Variants in RARB observed in about 807,000 individuals in gnomAD.
RARB encodes retinoic acid receptor beta.
RARB carries 17 observed loss-of-function variants against 51.9 expected under a neutral mutation model. The ratio of observed to expected loss-of-function variants is 0.33; its 90% CI spans 0.22 to 0.49. The LOEUF is 0.49. Among genes scored for constraint, RARB ranks in the 20% least tolerant of loss-of-function variants. The pLI, the probability that RARB is intolerant of heterozygous loss-of-function variation, is 0.99. For missense variants in RARB, 369 were observed against 550.8 expected, an observed-to-expected ratio of 0.67 and a Z score of 3.30; for synonymous variants, 215 against 195.4, an observed-to-expected ratio of 1.10 and a Z score of -0.84.
intron 5 of RARB, among the ~76,000 whole-genome samples, chr3:25,189,018 TCA>T (rs1701039632): frequency 6.6e-6 from 1 of 152,014 alleles, no homozygotes; most frequent in African/African-American, 2.4e-5. Context: ...AGAAGAGGAG[TCA>T]CAAAGTCATA....
chr3:25,316,561 C>G (rs1406136942), intron 5 of RARB, among the ~76,000 whole-genome samples: 1 of 152,074 alleles, frequency 6.6e-6, no homozygotes. Flanking sequence ...GATACCGATG[C>G]TGAAAGAGGA....
chr3:25,565,144 A>T (rs948158496), intron 3 of RARB, among the ~76,000 whole-genome samples: 2 of 152,218 alleles, frequency 1.3e-5, no homozygotes, highest in Admixed American at 1.3e-4. Flanking sequence ...GACTGTGTGT[A>T]CATGGGGTAG....
At chr3:25,149,778 C>T (rs1239972635) in intron 4 of RARB, among the ~76,000 whole-genome samples, 5 of 152,224 alleles carry the variant, frequency 3.3e-5, no homozygotes, top group African/African-American at 1.2e-4. Flanking sequence ...AGAAGGTCTC[C>T]ATTTGCATGT....
intron 5 of RARB, among the ~76,000 whole-genome samples, chr3:25,316,940 A>T (rs1194570138): frequency 6.6e-6 from 1 of 152,186 alleles, no homozygotes; most frequent in African/African-American, 2.4e-5. Flanking sequence ...TAGACAGAAT[A>T]AATTATTCAC....
chr3:25,295,732 A>G (rs894535718), intron 5 of RARB, among the ~76,000 whole-genome samples: 40 of 152,222 alleles, frequency 2.6e-4, no homozygotes, highest in African/African-American at 8.9e-4. Context: ...TATGTGGACA[A>G]GATGGGACTA....
At chr3:25,474,124 C>T (rs1695842007) in intron 2 of RARB, among the ~76,000 whole-genome samples, 1 of 152,040 alleles carries the variant, frequency 6.6e-6, no homozygotes, top group African/African-American at 2.4e-5. Flanking sequence ...TGTTAATTCT[C>T]CACTGGGCTT....
At chr3:25,029,145 T>C (rs1433674593) in intron 2 of RARB, among the ~76,000 whole-genome samples, 1 of 152,218 alleles carries the variant, frequency 6.6e-6, no homozygotes, top group African/African-American at 2.4e-5. Context: ...TCAGATGGCA[T>C]TGGTTTGGGT....
chr3:25,032,118 T>A (rs1697888414), intron 2 of RARB, among the ~76,000 whole-genome samples: 1 of 152,236 alleles, frequency 6.6e-6, no homozygotes, highest in Non-Finnish European at 1.5e-5. Context: ...AAACTATTAA[T>A]AGGTCCATAA....
At chr3:25,193,359 A>G (rs986709413) in intron 5 of RARB, among the ~76,000 whole-genome samples, 1 of 152,044 alleles carries the variant, frequency 6.6e-6, no homozygotes, top group African/African-American at 2.4e-5. Context: ...AGTCTGTTAA[A>G]AAAATTAAAA....
chr3:24,906,316 T>A (rs1456841934), intron 2 of RARB, among the ~76,000 whole-genome samples: 1 of 152,134 alleles, frequency 6.6e-6, no homozygotes, highest in African/African-American at 2.4e-5. Context: ...TGGATCTTAG[T>A]GTTTGGATTG....
intron 4 of RARB, among the ~76,000 whole-genome samples, chr3:25,151,770 G>A (rs1254023254): frequency 1.3e-5 from 2 of 152,282 alleles, no homozygotes; most frequent in Middle Eastern, 3.4e-3. Context: ...ACGTCTCAAA[G>A]GAATGTTTGT....
intron 2 of RARB, among the ~76,000 whole-genome samples, chr3:25,473,688 T>G (rs1447155332): frequency 6.6e-6 from 1 of 152,174 alleles, no homozygotes; most frequent in Non-Finnish European, 1.5e-5. Flanking sequence ...TGTCAAGATG[T>G]ATGAGAAGGC....
chr3:24,962,058 T>C (rs1039276480), intron 2 of RARB, among the ~76,000 whole-genome samples: 2 of 151,206 alleles, frequency 1.3e-5, no homozygotes, highest in Non-Finnish European at 2.9e-5. Flanking sequence ...GCCTCCCAAG[T>C]AGCTGGGACT....
At chr3:25,155,912 T>C (rs1048543527) in intron 4 of RARB, among the ~76,000 whole-genome samples, 1 of 152,234 alleles carries the variant, frequency 6.6e-6, no homozygotes, top group African/African-American at 2.4e-5. Context: ...TTGCCTGTTT[T>C]CCTTAACTTA....
At chr3:25,291,950 T>A (rs1703798187) in intron 5 of RARB, among the ~76,000 whole-genome samples, 1 of 152,128 alleles carries the variant, frequency 6.6e-6, no homozygotes, top group Non-Finnish European at 1.5e-5. Flanking sequence ...CCCTCTCTTA[T>A]GGGGATTGAC....
chr3:25,394,481 G>A (rs1707060895), intron 5 of RARB, among the ~76,000 whole-genome samples: 1 of 152,110 alleles, frequency 6.6e-6, no homozygotes, highest in South Asian at 2.1e-4. Context: ...GACCTATCTA[G>A]CACTGTGAGT....
At chr3:25,078,273 T>C (rs1184087338) in intron 3 of RARB, among the ~76,000 whole-genome samples, 2 of 152,166 alleles carry the variant, frequency 1.3e-5, no homozygotes, top group Non-Finnish European at 2.9e-5. Context: ...TATCTCGGGA[T>C]CTTTAATTCA....
chr3:24,871,122 T>C (rs749431155), intron 2 of RARB, among the ~76,000 whole-genome samples: 3 of 152,154 alleles, frequency 2.0e-5, no homozygotes, highest in Non-Finnish European at 4.4e-5. Flanking sequence ...ATAGAACTTA[T>C]GTTGATGACC....
intron 1 of RARB, among the ~76,000 whole-genome samples, chr3:25,447,608 A>G (rs1354801569): frequency 6.6e-6 from 1 of 152,176 alleles, no homozygotes; most frequent in African/African-American, 2.4e-5. Flanking sequence ...TTGAACAGCA[A>G]TTGAAGGCTC....
Sources: gnomAD v4.1 joint callset for allele counts (sites outside exome capture counted in the v4.1 genomes callset) on GRCh38, gnomAD v4.1.1 for gene constraint, MANE v1.5 for transcripts, NCBI Gene and HGNC (gene_info 2026-07-23, HGNC 2026-07-21) for gene names.